The following SPOPL variants were observed in gnomAD, a reference collection of about 807,000 sequenced individuals.
SPOPL encodes speckle type BTB/POZ protein like.
A neutral mutation model predicts 53.8 loss-of-function variants in SPOPL; 23 were observed. The ratio of observed to expected loss-of-function variants is 0.43; its 90% CI spans 0.31 to 0.61. The LOEUF is 0.61. SPOPL is among the 20% of genes least tolerant of loss of function. SPOPL has a pLI of 0.12. For missense variants in SPOPL, 442 were observed against 466.9 expected (o/e 0.95, Z 0.49); for synonymous variants, 164 against 149.7 (o/e 1.10, Z -0.70).
intron 1 of SPOPL, among the ~76,000 whole-genome samples, chr2:138,531,273 A>G (rs1684802333): frequency 6.6e-6 from 1 of 152,084 alleles, no homozygotes; most frequent in African/African-American, 2.4e-5. Context: ...TAGAGATTAC[A>G]GTATACTTCA....
intron 1 of SPOPL, among the ~76,000 whole-genome samples, chr2:138,508,697 C>T (rs755083886): frequency 5.9e-5 from 9 of 152,098 alleles, no homozygotes; most frequent in Non-Finnish European, 1.3e-4. Context: ...TATTTTTTGG[C>T]AGAGACGGGT....
intron 1 of SPOPL, among the ~76,000 whole-genome samples, chr2:138,503,442 T>C (rs1176199138): frequency 6.6e-6 from 1 of 152,226 alleles, no homozygotes; most frequent in Non-Finnish European, 1.5e-5. Context: ...CATCACTTCT[T>C]GGTTTGACTT....
At chr2:138,538,890 CCTCCCCACT>C (rs941651946) in intron 1 of SPOPL, among the ~76,000 whole-genome samples, 1 of 152,012 alleles carries the variant, frequency 6.6e-6, no homozygotes, top group African/African-American at 2.4e-5. Flanking sequence ...TAATACTATC[CCTCCCCACT>C]CTCCCCACCC....
intron 5 of SPOPL, among the ~76,000 whole-genome samples, chr2:138,554,986 T>C (rs184605956): frequency 6.6e-6 from 1 of 152,252 alleles, no homozygotes; most frequent in Admixed American, 6.5e-5. Context: ...TATTGGCTCA[T>C]GGTTCTGGAG....
chr2:138,503,793 G>C (rs1462353946), intron 1 of SPOPL, among the ~76,000 whole-genome samples: 1 of 152,154 alleles, frequency 6.6e-6, no homozygotes, highest in Admixed American at 6.5e-5. Context: ...TTTTAGTACT[G>C]TAAGTTAAAT....
At chr2:138,532,319 G>A (rs1684826575) in intron 1 of SPOPL, among the ~76,000 whole-genome samples, 2 of 151,938 alleles carry the variant, frequency 1.3e-5, no homozygotes, top group South Asian at 4.1e-4. Context: ...TGGGTAAAGT[G>A]TGGATTCTCG....
rs1264368471 is a variant in SPOPL, at chr2:138,568,788, T to C, written c.1035-148T>C. ...ACAGAAGATACCAGTAAGATAAAGA[T>C]GGTATTTTAATAAAAGCAAATGATT... On this transcript the variant is annotated intron_variant, in intron 10 of 10. Coordinates refer to ENST00000280098, the MANE Select transcript of SPOPL (RefSeq NM_001001664.3). 4.8e-6 allele frequency: 4 copies of C among 827,732 alleles called. No homozygotes were observed. In the Admixed American group the frequency reaches 8.4e-5, roughly 17 times the overall value. 51.3% of individuals were successfully genotyped at this position (827,732 alleles called of 1,614,324 possible).
chr2:138,566,564 G>A (rs1359296540), intron 10 of SPOPL, among the ~76,000 whole-genome samples: 1 of 152,086 alleles, frequency 6.6e-6, no homozygotes, highest in African/African-American at 2.4e-5. Context: ...AAAAGTAATT[G>A]CAGATTTTGG....
chr2:138,567,767 GAGAAA>G (rs1443457539), intron 10 of SPOPL, among the ~76,000 whole-genome samples: 1 of 152,122 alleles, frequency 6.6e-6, no homozygotes, highest in African/African-American at 2.4e-5. Flanking sequence ...TGGGGCTAGA[GAGAAA>G]AGAAAGTAAG....
At chr2:138,533,187 A>G (rs775670263) in intron 1 of SPOPL, among the ~76,000 whole-genome samples, 74 of 152,332 alleles carry the variant, frequency 4.9e-4, no homozygotes, top group Non-Finnish European at 9.6e-4. Context: ...GGAGAGGCCC[A>G]GTATCTATAA....
chr2:138,533,687 ATATAT>A (rs1189414804), intron 1 of SPOPL, among the ~76,000 whole-genome samples: 1 of 152,106 alleles, frequency 6.6e-6, no homozygotes, highest in Non-Finnish European at 1.5e-5. Context: ...ATTATATGTT[ATATAT>A]TATATTAACT....
At position 138,529,536 on chromosome 2, in the gene SPOPL, T is replaced by TGTGTGCGCGCGCG. The variant is rs72375808; in HGVS notation, c.-60-20621_-60-20620insGTGTGCGCGCGCG. Among the ~76,000 whole-genome samples the TGTGTGCGCGCGCG allele has an allele frequency of 4.1e-5, 4 of 97,586 alleles. 1 individual carries two copies. Among genetic ancestry groups the TGTGTGCGCGCGCG allele is most frequent in the Non-Finnish European group, 6.7e-5 (3 of 44,772 alleles). 64.0% of individuals were successfully genotyped at this position (97,586 alleles called of 152,430 possible). ...TGTGTGTGTGTGTGTGTGTGTGTGT[T>TGTGTGCGCGCGCG]TGCGTGCGCGCGCGCTTCTGCATTC... On this transcript the variant is annotated intron_variant, in intron 1 of 10. Coordinates refer to ENST00000280098, the MANE Select transcript of SPOPL (RefSeq NM_001001664.3).
intron 6 of SPOPL, 31 bp downstream of exon 6, chr2:138,559,230 A>G: frequency 6.2e-7 from 1 of 1,610,446 alleles, no homozygotes; most frequent in Non-Finnish European, 8.5e-7. Flanking sequence ...AATATAGTAC[A>G]TTTAAAAAAA....
intron 1 of SPOPL, among the ~76,000 whole-genome samples, chr2:138,535,209 T>C (rs898085611): frequency 6.6e-6 from 1 of 152,260 alleles, no homozygotes; most frequent in Non-Finnish European, 1.5e-5. Context: ...TACCACATTT[T>C]AAAAATTCAT....
intron 1 of SPOPL, among the ~76,000 whole-genome samples, chr2:138,508,296 G>A (rs917677976): frequency 1.3e-5 from 2 of 152,036 alleles, no homozygotes; most frequent in African/African-American, 4.8e-5. Flanking sequence ...GGGATAGAAA[G>A]GAAAATTATG....
intron 10 of SPOPL, among the ~76,000 whole-genome samples, chr2:138,566,900 A>G (rs1685672206): frequency 6.6e-6 from 1 of 152,354 alleles, no homozygotes; most frequent in East Asian, 1.9e-4. Flanking sequence ...CTTCCTGGAT[A>G]TAGCTGAGTC....
chr2:138,553,556 G>A (rs545097445), intron 5 of SPOPL, among the ~76,000 whole-genome samples: 1 of 152,130 alleles, frequency 6.6e-6, no homozygotes, highest in South Asian at 2.1e-4. Flanking sequence ...AGTGTCTTAG[G>A]AATATAATAA....
intron 10 of SPOPL, among the ~76,000 whole-genome samples, chr2:138,565,823 TCCTGGGTTC>T (rs1685648516): frequency 6.7e-6 from 1 of 149,396 alleles, no homozygotes; most frequent in African/African-American, 2.5e-5. Flanking sequence ...GAGCTCCACC[TCCTGGGTTC>T]ACGCCATTCT....
chr2:138,519,868 A>G (rs1191535926), intron 1 of SPOPL, among the ~76,000 whole-genome samples: 1 of 152,248 alleles, frequency 6.6e-6, no homozygotes, highest in Non-Finnish European at 1.5e-5. Flanking sequence ...TTATTATACT[A>G]TTAACTACAA....
Sources: allele counts gnomAD v4.1 joint callset (sites outside exome capture counted in the v4.1 genomes callset), GRCh38; gene constraint gnomAD v4.1.1; transcripts MANE v1.5; gene names NCBI Gene and HGNC (gene_info 2026-07-23, HGNC 2026-07-21).